The following PDE4B variants were observed in gnomAD, a reference collection of about 807,000 sequenced individuals.
PDE4B encodes the protein phosphodiesterase 4B.
PDE4B carries 20 observed loss-of-function variants against 82.2 expected under a neutral mutation model. The ratio of observed to expected loss-of-function variants is 0.24; its 90% CI spans 0.17 to 0.35. The LOEUF (loss-of-function observed/expected upper bound fraction) is 0.35. Among genes scored for constraint, PDE4B ranks in the 10% least tolerant of loss-of-function variants. The pLI is 1.00. For missense variants in PDE4B, 655 were observed against 907.2 expected (o/e 0.72, Z 3.57); for synonymous variants, 320 against 318.9 (o/e 1.00, Z -0.04).
chr1:66,268,387 C>G (rs74225013), intron 7 of PDE4B, among the ~76,000 whole-genome samples: 1 of 152,108 alleles, frequency 6.6e-6, no homozygotes, highest in Non-Finnish European at 1.5e-5. Flanking sequence ...TACCCCTCTT[C>G]GGCCAGGCAT....
chr1:66,333,311 TTATC>T (rs1257088125), intron 8 of PDE4B, among the ~76,000 whole-genome samples: 2 of 152,246 alleles, frequency 1.3e-5, no homozygotes, highest in Non-Finnish European at 2.9e-5. Context: ...AGAGCCTTAA[TTATC>T]TATCATTATA....
chr1:65,903,256 T>G (rs1646991435), intron 1 of PDE4B, among the ~76,000 whole-genome samples: 1 of 152,184 alleles, frequency 6.6e-6, no homozygotes, highest in African/African-American at 2.4e-5. Context: ...TAATATTTGT[T>G]CCTTCTGGCC....
intron 3 of PDE4B, among the ~76,000 whole-genome samples, chr1:65,981,616 C>T (rs1650694122): frequency 6.6e-6 from 1 of 150,946 alleles, no homozygotes; most frequent in Non-Finnish European, 1.5e-5. Context: ...TTTTGGGTTC[C>T]AATACTTACC....
chr1:66,122,338 C>A (rs1553148853), intron 3 of PDE4B, among the ~76,000 whole-genome samples: 1 of 152,132 alleles, frequency 6.6e-6, no homozygotes, highest in Non-Finnish European at 1.5e-5. Context: ...ATTTTTTTCA[C>A]ATTTATCCTC....
At chr1:66,362,282 G>A (rs530678025) in intron 10 of PDE4B, among the ~76,000 whole-genome samples, 1 of 152,218 alleles carries the variant, frequency 6.6e-6, no homozygotes, top group South Asian at 2.1e-4. Context: ...CTGTAGTGCT[G>A]GAAAAGAAAT....
At chr1:66,087,873 TGG>T (rs1553143739) in intron 3 of PDE4B, among the ~76,000 whole-genome samples, 1 of 49,706 alleles carries the variant, frequency 2.0e-5, no homozygotes, top group Admixed American at 3.3e-4. Flanking sequence ...TGTTGTGGGG[TGG>T]GGGGAGGGGG....
intron 3 of PDE4B, among the ~76,000 whole-genome samples, chr1:66,219,656 C>A (rs1039744344): frequency 6.6e-6 from 1 of 152,154 alleles, no homozygotes; most frequent in Non-Finnish European, 1.5e-5. Flanking sequence ...AGAGGTGTCA[C>A]TTCACCTGGC....
chr1:65,876,082 G>A lies in PDE4B; in HGVS notation c.-70-37163G>A, dbSNP rs567038151. On this transcript the variant is annotated intron_variant, in intron 1 of 16. Coordinates refer to ENST00000341517, the MANE Select transcript of PDE4B (RefSeq NM_002600.4). ...AAAATTGATATAAGGTTGTGGGGGC[G>A]GAAGTTTTTTTAGAATTTAAAGAAC... Among the ~76,000 whole-genome samples, 22 of 152,134 alleles carry A rather than the reference G, an allele frequency of 1.4e-4. No homozygotes were observed. In the East Asian group the frequency reaches 3.3e-3, roughly 23 times the overall value.
At chr1:65,856,409 A>G (rs1378673224) in intron 1 of PDE4B, among the ~76,000 whole-genome samples, 1 of 152,006 alleles carries the variant, frequency 6.6e-6, no homozygotes, top group Non-Finnish European at 1.5e-5. Context: ...TTCAATTCGC[A>G]CTTATGAGTG....
At chr1:66,023,912 C>CA (rs1220475947) in intron 3 of PDE4B, among the ~76,000 whole-genome samples, 2 of 151,778 alleles carry the variant, frequency 1.3e-5, no homozygotes, top group African/African-American at 4.8e-5. Context: ...ATATGTGTCT[C>CA]AAGTGGAGAG....
At chr1:66,149,698 G>T (rs1483686935) in intron 3 of PDE4B, among the ~76,000 whole-genome samples, 1 of 151,936 alleles carries the variant, frequency 6.6e-6, no homozygotes, top group Non-Finnish European at 1.5e-5. Flanking sequence ...CCAAAAAAGT[G>T]AAAAATTATC....
intron 3 of PDE4B, among the ~76,000 whole-genome samples, chr1:66,135,235 G>T: frequency 6.6e-6 from 1 of 152,210 alleles, no homozygotes; most frequent in African/African-American, 2.4e-5. Flanking sequence ...GGTAGTTAAA[G>T]AACAAAGATT....
chr1:65,833,480 T>C (rs1336308913), intron 1 of PDE4B, among the ~76,000 whole-genome samples: 2 of 152,194 alleles, frequency 1.3e-5, no homozygotes, highest in Non-Finnish European at 2.9e-5. Flanking sequence ...AAGGAAGTAC[T>C]TTCAGTCAGA....
intron 3 of PDE4B, among the ~76,000 whole-genome samples, chr1:66,018,830 C>T (rs1282252214): frequency 1.3e-5 from 2 of 152,108 alleles, no homozygotes; most frequent in Non-Finnish European, 2.9e-5. Flanking sequence ...TGTGTTAAGG[C>T]AGATAATACG....
At chr1:65,965,313 G>A (rs1649760733) in intron 3 of PDE4B, among the ~76,000 whole-genome samples, 1 of 152,052 alleles carries the variant, frequency 6.6e-6, no homozygotes, top group South Asian at 2.1e-4. Flanking sequence ...GCTTTGCATA[G>A]TCTGTGGTTA....
chr1:66,019,356 CTT>C (rs4071540), intron 3 of PDE4B, among the ~76,000 whole-genome samples: 13 of 124,744 alleles, frequency 1.0e-4, no homozygotes, highest in African/African-American at 3.9e-4. Context: ...TATTGTTATT[CTT>C]TTTTTTTTTT....
rs531748723 is a variant in PDE4B, at chr1:65,851,030, C to T, written c.-71+57782C>T. Among the ~76,000 whole-genome samples, 37 of 152,264 alleles carry T rather than the reference C, an allele frequency of 2.4e-4. 1 individual carries two copies. The South Asian group carries it at 7.7e-3, about 32-fold the overall frequency. On this transcript the variant is annotated intron_variant, in intron 1 of 16. Transcript: ENST00000341517. ...TATGTGAATATGAGTCCTCCCCTTACCCCAAGGGATGCTCAATTGTTCTAG... is the reference window on the plus strand; with the variant it reads ...TATGTGAATATGAGTCCTCCCCTTATCCCAAGGGATGCTCAATTGTTCTAG...
intron 1 of PDE4B, among the ~76,000 whole-genome samples, chr1:65,901,951 G>C (rs1239043597): frequency 1.3e-5 from 2 of 151,816 alleles, no homozygotes; most frequent in Non-Finnish European, 2.9e-5. Flanking sequence ...TTTTAACATT[G>C]CTTCTGCTGC....
At chr1:66,153,166 C>T (rs1228802865) in intron 3 of PDE4B, among the ~76,000 whole-genome samples, 1 of 152,172 alleles carries the variant, frequency 6.6e-6, no homozygotes, top group Non-Finnish European at 1.5e-5. Context: ...TGCAAAGCTG[C>T]TCTGAAGAAG....
Sources: gnomAD v4.1 joint callset for allele counts (sites outside exome capture counted in the v4.1 genomes callset) on GRCh38, gnomAD v4.1.1 for gene constraint, MANE v1.5 for transcripts, NCBI Gene and HGNC (gene_info 2026-07-23, HGNC 2026-07-21) for gene names.